The following MGAT5 variants were observed in gnomAD, a reference collection of about 807,000 sequenced individuals.
MGAT5 encodes alpha-1,6-mannosylglycoprotein 6-beta-N-acetylglucosaminyltransferase.
A neutral mutation model predicts 94.3 loss-of-function variants in MGAT5; 30 were observed. The observed-to-expected ratio is 0.32, with a 90% CI of 0.24 to 0.43. The LOEUF (loss-of-function observed/expected upper bound fraction) is 0.43, where lower values mean the gene tolerates loss of function less well. Ranked by LOEUF, MGAT5 falls within the 20% of genes least tolerant of loss-of-function variation. The pLI is 1.00. For missense variants in MGAT5, 691 were observed against 905.5 expected (o/e 0.76, Z 3.04); for synonymous variants, 310 against 322.9 (o/e 0.96, Z 0.43).
At chr2:134,342,028 GT>G (rs751439475) in intron 7 of MGAT5, among the ~76,000 whole-genome samples, 75 of 152,246 alleles carry the variant, frequency 4.9e-4, no homozygotes, top group Non-Finnish European at 5.4e-4. Context: ...GCTATTACAG[GT>G]GCTTCCAACA....
rs116527869 is a variant in MGAT5, at chr2:134,161,150, T to C, written c.-143+40859T>C. Among the ~76,000 whole-genome samples, 1,159 of 152,318 alleles carry C rather than the reference T, an allele frequency of 7.6e-3. 11 individuals are homozygous for C. The highest frequency in any genetic ancestry group is 0.026 in the African/African-American group (1,064 of 41,560). ...TCTTTACAGGATATATAAGCCCTTG[T>C]GAAGGACAGACGTTGTCACCATGGA... On this transcript the variant is annotated intron_variant, in intron 1 of 16. Transcript: ENST00000409645.
At chr2:134,279,950 T>A (rs1336185188) in intron 2 of MGAT5, among the ~76,000 whole-genome samples, 1 of 152,142 alleles carries the variant, frequency 6.6e-6, no homozygotes, top group Non-Finnish European at 1.5e-5. Context: ...TTTAAAAAAA[T>A]ACTTGGAATA....
At chr2:134,206,861 G>A (rs145413438) in intron 1 of MGAT5, among the ~76,000 whole-genome samples, 7 of 152,256 alleles carry the variant, frequency 4.6e-5, no homozygotes, top group Middle Eastern at 3.4e-3. Context: ...GAGGGAGCAC[G>A]GCCCTGTCCT....
At chr2:134,280,854 C>G (rs117516146) in intron 2 of MGAT5, among the ~76,000 whole-genome samples, 1 of 152,346 alleles carries the variant, frequency 6.6e-6, no homozygotes, top group South Asian at 2.1e-4. Context: ...TTGCCTCATA[C>G]GCTTCTTAAG....
intron 1 of MGAT5, among the ~76,000 whole-genome samples, chr2:134,169,415 C>CACACAG (rs1558967543): frequency 1.0e-4 from 6 of 58,292 alleles, no homozygotes; most frequent in African/African-American, 2.0e-4. Context: ...CACACACAGA[C>CACACAG]ACACACACAC....
upstream of MGAT5, among the ~76,000 whole-genome samples, chr2:134,250,467 A>G (rs186342919): frequency 4.2e-4 from 64 of 152,272 alleles, 1 homozygote; most frequent in Middle Eastern, 0.014. Context: ...GATGATCTTC[A>G]TTGTCATTTT....
chr2:134,390,839 G>C (rs182840359), intron 10 of MGAT5, among the ~76,000 whole-genome samples: 19 of 152,232 alleles, frequency 1.2e-4, no homozygotes, highest in Admixed American at 1.2e-3. Context: ...TTGGGCCTAG[G>C]TCTCCACTGA....
intron 12 of MGAT5, among the ~76,000 whole-genome samples, chr2:134,416,875 G>A (rs1044054004): frequency 6.6e-6 from 1 of 150,696 alleles, no homozygotes; most frequent in African/African-American, 2.4e-5. Context: ...CAAAGTGCTG[G>A]GATTACAGCA....
At chr2:134,380,902 C>T (rs996468454) in intron 10 of MGAT5, among the ~76,000 whole-genome samples, 20 of 152,120 alleles carry the variant, frequency 1.3e-4, no homozygotes, top group African/African-American at 4.8e-4. Context: ...GGATCTGATA[C>T]TCTAAAGAGG....
chr2:134,373,788 G>A (rs1343261102), intron 10 of MGAT5, among the ~76,000 whole-genome samples: 2 of 152,198 alleles, frequency 1.3e-5, no homozygotes, highest in Non-Finnish European at 2.9e-5. Flanking sequence ...TGGAGAGACA[G>A]TCAAGGGCAC....
chr2:134,140,723 A>G (rs1425449124), intron 1 of MGAT5, among the ~76,000 whole-genome samples: 1 of 152,198 alleles, frequency 6.6e-6, no homozygotes, highest in Non-Finnish European at 1.5e-5. Flanking sequence ...GATACTTTCC[A>G]TTGATTTATC....
intron 2 of MGAT5, among the ~76,000 whole-genome samples, chr2:134,313,151 C>G (rs1039378991): frequency 3.3e-5 from 5 of 151,258 alleles, no homozygotes; most frequent in African/African-American, 1.2e-4. Flanking sequence ...ATGTGAAATG[C>G]CATTGTTTCC....
chr2:134,133,864 TG>T (rs1686287313), intron 1 of MGAT5, among the ~76,000 whole-genome samples: 1 of 152,288 alleles, frequency 6.6e-6, no homozygotes, highest in Non-Finnish European at 1.5e-5. Flanking sequence ...TCCGTTCCTC[TG>T]TGGGGGTCTT....
At chr2:134,347,551 T>C (rs1688993342) in intron 8 of MGAT5, among the ~76,000 whole-genome samples, 1 of 152,166 alleles carries the variant, frequency 6.6e-6, no homozygotes, top group African/African-American at 2.4e-5. Flanking sequence ...ATCCATGAGT[T>C]CCACATCAAC....
intron 1 of MGAT5, among the ~76,000 whole-genome samples, chr2:134,261,607 A>G (rs542877081): frequency 6.6e-6 from 1 of 152,258 alleles, no homozygotes; most frequent in East Asian, 1.9e-4. Context: ...CCTCCTTCAC[A>G]GGAGGGCCCA....
intron 1 of MGAT5, among the ~76,000 whole-genome samples, chr2:134,154,919 TTTCCTGGAG>T (rs1687404420): frequency 6.6e-6 from 1 of 152,228 alleles, no homozygotes; most frequent in Non-Finnish European, 1.5e-5. Flanking sequence ...ATCTGTGACC[TTTCCTGGAG>T]GATAATGACA....
At chr2:134,439,541 A>T (rs1685358026) in intron 14 of MGAT5, among the ~76,000 whole-genome samples, 1 of 152,206 alleles carries the variant, frequency 6.6e-6, no homozygotes, top group Admixed American at 6.5e-5. Flanking sequence ...TACTAAAAAT[A>T]CAAAAATTAG....
intron 4 of MGAT5, among the ~76,000 whole-genome samples, chr2:134,326,863 A>G (rs1182965878): frequency 6.6e-6 from 1 of 152,116 alleles, no homozygotes; most frequent in Non-Finnish European, 1.5e-5. Context: ...ATATTTGAAG[A>G]AAGTGAGGGA....
chr2:134,134,643 G>C (rs948130309), intron 1 of MGAT5, among the ~76,000 whole-genome samples: 1 of 152,180 alleles, frequency 6.6e-6, no homozygotes, highest in Non-Finnish European at 1.5e-5. Context: ...CCTGGAGAGA[G>C]GACTCTGGTC....
Sources: allele counts gnomAD v4.1 joint callset (sites outside exome capture counted in the v4.1 genomes callset), GRCh38; gene constraint gnomAD v4.1.1; transcripts MANE v1.5; gene names NCBI Gene and HGNC (gene_info 2026-07-23, HGNC 2026-07-21).